TRAPPC9: variants seen among roughly 807,000 people sequenced by gnomAD.
TRAPPC9 encodes the protein trafficking protein particle complex subunit 9.
In TRAPPC9, 83 loss-of-function variants were observed where a neutral mutation model predicts 124.0. That is an observed-to-expected ratio of 0.67 (90% CI 0.56 to 0.80). The LOEUF (loss-of-function observed/expected upper bound fraction) is 0.80, where lower values mean the gene tolerates loss of function less well. TRAPPC9 is among the 30% of genes least tolerant of loss of function. The pLI is 0.00. For missense variants in TRAPPC9, 1,302 were observed against 1,508.3 expected, an observed-to-expected ratio of 0.86 and a Z score of 2.27; for synonymous variants, 638 against 617.5, an observed-to-expected ratio of 1.03 and a Z score of -0.49.
intron 17 of TRAPPC9, among the ~76,000 whole-genome samples, chr8:140,204,318 T>G (rs2062868240): frequency 6.6e-6 from 1 of 152,038 alleles, no homozygotes; most frequent in South Asian, 2.1e-4. Context: ...TTCATGTCCT[T>G]TGTAGGGACA....
At chr8:139,765,842 AC>A (rs1399866987) in intron 21 of TRAPPC9, among the ~76,000 whole-genome samples, 1 of 152,114 alleles carries the variant, frequency 6.6e-6, no homozygotes, top group Non-Finnish European at 1.5e-5. Flanking sequence ...AATTTGGATC[AC>A]CCAGCCTGGC....
chr8:139,882,515 G>C (rs927438724), intron 21 of TRAPPC9, among the ~76,000 whole-genome samples: 6 of 152,166 alleles, frequency 3.9e-5, no homozygotes, highest in African/African-American at 1.4e-4. Context: ...AGAGGCTGCA[G>C]TGAAACAAGG....
intron 17 of TRAPPC9, among the ~76,000 whole-genome samples, chr8:140,150,382 G>C (rs1483489395): frequency 6.6e-6 from 1 of 152,218 alleles, no homozygotes; most frequent in Non-Finnish European, 1.5e-5. Context: ...CCAGGAGGTA[G>C]AGGCTGCAGT....
At chr8:140,013,052 G>C (rs11779618) in intron 18 of TRAPPC9, among the ~76,000 whole-genome samples, 29,563 of 152,148 alleles carry the variant, frequency 0.19, 6,679 homozygotes, top group African/African-American at 0.55. Flanking sequence ...ACAGGGCTGA[G>C]CGGGCCACAC....
chr8:140,139,415 GC>G (rs1271258646), intron 17 of TRAPPC9, among the ~76,000 whole-genome samples: 7 of 152,180 alleles, frequency 4.6e-5, no homozygotes, highest in African/African-American at 1.7e-4. Flanking sequence ...TTCCGATCCA[GC>G]ATTTCACACG....
At chr8:140,107,933 C>A in intron 17 of TRAPPC9, among the ~76,000 whole-genome samples, 1 of 150,556 alleles carries the variant, frequency 6.6e-6, no homozygotes, top group Non-Finnish European at 1.5e-5. Context: ...AAGTATGAGG[C>A]TCCAGGTTTT....
At chr8:139,977,003 G>A (rs2131638503) in intron 19 of TRAPPC9, among the ~76,000 whole-genome samples, 1 of 152,252 alleles carries the variant, frequency 6.6e-6, no homozygotes, top group East Asian at 1.9e-4. Flanking sequence ...TCTCTCCCTG[G>A]GCAGCTACTG....
At chr8:139,785,107 C>G (rs1822132772) in intron 21 of TRAPPC9, among the ~76,000 whole-genome samples, 1 of 152,110 alleles carries the variant, frequency 6.6e-6, no homozygotes, top group Non-Finnish European at 1.5e-5. Context: ...AATAAATAGT[C>G]CAGAAATAGA....
intron 21 of TRAPPC9, among the ~76,000 whole-genome samples, chr8:139,810,386 G>A (rs1014846885): frequency 1.3e-5 from 2 of 152,148 alleles, no homozygotes; most frequent in African/African-American, 2.4e-5. Context: ...CGGATCCTGC[G>A]AGCCAGGGTC....
chr8:140,238,238 C>T (rs924107315), intron 16 of TRAPPC9: 7 of 152,188 alleles, frequency 4.6e-5, no homozygotes, highest in African/African-American at 1.7e-4. Context: ...TTCATTCTAT[C>T]CTGCTAGTTT....
chr8:139,991,376 T>A (rs1837633450), intron 18 of TRAPPC9, among the ~76,000 whole-genome samples: 1 of 152,168 alleles, frequency 6.6e-6, no homozygotes, highest in African/African-American at 2.4e-5. Flanking sequence ...ATCTAGTGTT[T>A]CTATTCTTTC....
At chr8:139,765,641 T>C (rs556795783) in intron 21 of TRAPPC9, among the ~76,000 whole-genome samples, 1 of 152,224 alleles carries the variant, frequency 6.6e-6, no homozygotes, top group Non-Finnish European at 1.5e-5. Flanking sequence ...CCAGAGGCCC[T>C]TGATGAAGGA....
At chr8:139,765,182 A>C (rs1820502983) in intron 21 of TRAPPC9, among the ~76,000 whole-genome samples, 1 of 152,130 alleles carries the variant, frequency 6.6e-6, no homozygotes. Flanking sequence ...CACTCTCTCC[A>C]GTTGGTTCGT....
intron 21 of TRAPPC9, among the ~76,000 whole-genome samples, chr8:139,801,459 A>T (rs1434687672): frequency 6.6e-6 from 1 of 152,166 alleles, no homozygotes; most frequent in East Asian, 1.9e-4. Context: ...ATGCCTATGG[A>T]GAGGGACACC....
At chr8:140,000,636 C>T (rs1350584096) in intron 18 of TRAPPC9, among the ~76,000 whole-genome samples, 2 of 152,196 alleles carry the variant, frequency 1.3e-5, no homozygotes, top group Non-Finnish European at 2.9e-5. Context: ...GAAAAATGCT[C>T]ACCATCACTG....
chr8:139,911,519 A>G (rs1212913080), intron 19 of TRAPPC9, among the ~76,000 whole-genome samples: 1 of 152,144 alleles, frequency 6.6e-6, no homozygotes, highest in African/African-American at 2.4e-5. Context: ...AGCCTGGCCA[A>G]CATGGTGAAA....
chr8:140,323,886 TA>T (rs1251357763), intron 9 of TRAPPC9, among the ~76,000 whole-genome samples: 1 of 120,684 alleles, frequency 8.3e-6, no homozygotes, highest in South Asian at 2.8e-4. Flanking sequence ...CAAACTTTTT[TA>T]AAAAATATAT....
intron 19 of TRAPPC9, among the ~76,000 whole-genome samples, chr8:139,972,723 G>A (rs1248788533): frequency 6.6e-6 from 1 of 152,200 alleles, no homozygotes; most frequent in Non-Finnish European, 1.5e-5. Flanking sequence ...CAGCATCTGA[G>A]GCTGGATCCC....
intron 19 of TRAPPC9, among the ~76,000 whole-genome samples, chr8:139,916,824 G>A (rs1026541764): frequency 1.3e-5 from 2 of 152,196 alleles, no homozygotes; most frequent in African/African-American, 4.8e-5. Flanking sequence ...TCAAGGAGTC[G>A]GATCTCAGGA....
Sources: allele counts gnomAD v4.1 joint callset (sites outside exome capture counted in the v4.1 genomes callset), GRCh38; gene constraint gnomAD v4.1.1; transcripts MANE v1.5; gene names NCBI Gene and HGNC (gene_info 2026-07-23, HGNC 2026-07-21).